Variants in USP13 observed in about 807,000 individuals in gnomAD.
USP13 encodes the protein ubiquitin carboxyl-terminal hydrolase 13.
A neutral mutation model predicts 107.8 loss-of-function variants in USP13; 68 were observed. The ratio of observed to expected loss-of-function variants is 0.63; its 90% confidence interval spans 0.52 to 0.77. The LOEUF (loss-of-function observed/expected upper bound fraction) is 0.77, where lower values mean the gene tolerates loss of function less well. Among genes scored for constraint, USP13 ranks in the 30% least tolerant of loss-of-function variants. USP13 has a pLI of 0.00. For synonymous variants in USP13, 377 were observed against 389.5 expected, an observed-to-expected ratio of 0.97 and a Z score of 0.38; for missense variants, 945 against 1,093.3, an observed-to-expected ratio of 0.86 and a Z score of 1.91.
chr3:179,657,356 T>C (rs376695196), intron 1 of USP13, among the ~76,000 whole-genome samples: 1 of 151,332 alleles, frequency 6.6e-6, no homozygotes, highest in African/African-American at 2.4e-5. Flanking sequence ...ATTGCACCAC[T>C]GCACTCCAGC....
intron 3 of USP13, among the ~76,000 whole-genome samples, chr3:179,694,137 C>G (rs1462061952): frequency 6.6e-6 from 1 of 151,616 alleles, no homozygotes; most frequent in Non-Finnish European, 1.5e-5. Flanking sequence ...CCATGCCTGG[C>G]TAATTTTTGT....
At position 179,653,880 on chromosome 3, in the gene USP13, C is replaced by G. The variant is rs1178996155; in HGVS notation, c.168+487C>G. Reference sequence around the variant, plus strand: ...TTTGCTCTCTGAGCTTTTCTTCCACCAGTTCCCATTTCACCCCACTCCTTT... The same window carrying G: ...TTTGCTCTCTGAGCTTTTCTTCCACGAGTTCCCATTTCACCCCACTCCTTT... On this transcript the variant is annotated intron_variant, in intron 1 of 20. Transcript: ENST00000263966. This position sits in a 1 kb window ranked among gnomAD's most constrained non-coding sequence, Gnocchi z 4.0. 1 of 153,152 alleles carries G rather than the reference C, an allele frequency of 6.5e-6. No individual in the cohort carries two copies. The highest frequency in any genetic ancestry group is 1.9e-4 in the East Asian group (1 of 5,216). 9.5% of individuals were successfully genotyped at this position (153,152 alleles called of 1,614,324 possible). A position where few individuals can be genotyped will look rare whatever the true frequency, so the allele number is the denominator to read the frequency against.
At chr3:179,779,472 G>A (rs1715665809) in intron 19 of USP13, among the ~76,000 whole-genome samples, 1 of 152,056 alleles carries the variant, frequency 6.6e-6, no homozygotes, top group African/African-American at 2.4e-5. Flanking sequence ...GGAGGTTGCA[G>A]TGAGCCGAGA....
intron 1 of USP13, among the ~76,000 whole-genome samples, chr3:179,657,946 G>A (rs1050805502): frequency 6.6e-6 from 1 of 151,940 alleles, no homozygotes; most frequent in Non-Finnish European, 1.5e-5. Context: ...TCATCTCTTT[G>A]GTTGTTGAGC....
At chr3:179,706,577 G>C (rs369887082) in intron 4 of USP13, among the ~76,000 whole-genome samples, 1 of 152,142 alleles carries the variant, frequency 6.6e-6, no homozygotes, top group African/African-American at 2.4e-5. Flanking sequence ...ACACCACTTG[G>C]GTAAATCCTG....
intron 12 of USP13, among the ~76,000 whole-genome samples, chr3:179,743,293 G>A (rs1714266275): frequency 6.6e-6 from 1 of 152,110 alleles, no homozygotes; most frequent in African/African-American, 2.4e-5. Context: ...GGACAGGTCA[G>A]TAGGTGCAGC....
At chr3:179,753,272 G>GT (rs1714674459) in intron 14 of USP13, among the ~76,000 whole-genome samples, 1 of 152,224 alleles carries the variant, frequency 6.6e-6, no homozygotes, top group South Asian at 2.1e-4. Context: ...GGCACTAACA[G>GT]TTACGCAGCA....
chr3:179,691,113 G>A (rs1013767298), intron 3 of USP13, among the ~76,000 whole-genome samples: 1 of 150,924 alleles, frequency 6.6e-6, no homozygotes, highest in East Asian at 2.0e-4. Context: ...AGGCTGTAGT[G>A]AGCTATGATT....
intron 19 of USP13, among the ~76,000 whole-genome samples, chr3:179,773,719 G>C (rs1032552536): frequency 6.6e-6 from 1 of 152,174 alleles, no homozygotes; most frequent in Admixed American, 6.5e-5. Flanking sequence ...ATTTCAAAAA[G>C]AAATGTTAGG....
At chr3:179,765,069 A>G (rs1316676163) in intron 18 of USP13, among the ~76,000 whole-genome samples, 1 of 152,254 alleles carries the variant, frequency 6.6e-6, no homozygotes, top group East Asian at 1.9e-4. Flanking sequence ...CCTGCCAGAA[A>G]TATCACAAGC....
intron 1 of USP13, among the ~76,000 whole-genome samples, chr3:179,669,288 C>G (rs1560042309): frequency 6.6e-6 from 1 of 152,150 alleles, no homozygotes; most frequent in Non-Finnish European, 1.5e-5. Flanking sequence ...TGGTGAAACT[C>G]CATCTCTACT....
chr3:179,741,255 G>C (rs1413391324), intron 11 of USP13, among the ~76,000 whole-genome samples: 1 of 151,844 alleles, frequency 6.6e-6, no homozygotes, highest in Non-Finnish European at 1.5e-5. Context: ...TGCTCTTGTC[G>C]CCCAGGCTGG....
intron 6 of USP13, among the ~76,000 whole-genome samples, chr3:179,709,254 T>A (rs1301826153): frequency 6.6e-6 from 1 of 152,226 alleles, no homozygotes; most frequent in Non-Finnish European, 1.5e-5. Flanking sequence ...GCTGCTGTTG[T>A]TATTATCCTT....
chr3:179,685,941 A>G (rs1711858773), intron 2 of USP13, among the ~76,000 whole-genome samples: 2 of 151,994 alleles, frequency 1.3e-5, no homozygotes, highest in African/African-American at 4.8e-5. Flanking sequence ...ACTGACTTTT[A>G]TTCTCCTGTC....
intron 8 of USP13, among the ~76,000 whole-genome samples, chr3:179,728,766 G>A (rs1190317879): frequency 6.6e-6 from 1 of 152,190 alleles, no homozygotes; most frequent in African/African-American, 2.4e-5. Flanking sequence ...GATCACTCGC[G>A]GTTAGGGGCT....
intron 6 of USP13, among the ~76,000 whole-genome samples, chr3:179,715,151 G>A (rs1339114089): frequency 6.6e-6 from 1 of 151,312 alleles, no homozygotes; most frequent in Non-Finnish European, 1.5e-5. Flanking sequence ...CAAAGTGCTG[G>A]GATTATAGAT....
At chr3:179,753,916 G>T (rs1714694556) in intron 14 of USP13, among the ~76,000 whole-genome samples, 1 of 152,100 alleles carries the variant, frequency 6.6e-6, no homozygotes, top group South Asian at 2.1e-4. Context: ...CAATAACAGA[G>T]CCAAGAAGTT....
intron 8 of USP13, among the ~76,000 whole-genome samples, chr3:179,729,210 A>G (rs978741875): frequency 1.3e-5 from 2 of 152,238 alleles, no homozygotes; most frequent in African/African-American, 2.4e-5. Flanking sequence ...GGGGATGGAA[A>G]ATCACAAAGA....
chr3:179,739,823 T>C (rs1714123065), intron 10 of USP13, among the ~76,000 whole-genome samples: 1 of 152,136 alleles, frequency 6.6e-6, no homozygotes, highest in Non-Finnish European at 1.5e-5. Context: ...CCTCCCAAAA[T>C]GCTAGGATTA....
Sources: allele counts gnomAD v4.1 joint callset (sites outside exome capture counted in the v4.1 genomes callset), GRCh38; gene constraint gnomAD v4.1.1; non-coding constraint Gnocchi (gnomAD v3.1); transcripts MANE v1.5; gene names NCBI Gene and HGNC (gene_info 2026-07-23, HGNC 2026-07-21).